SHISA6: variants seen among roughly 807,000 people sequenced by gnomAD.
SHISA6 encodes the protein shisa family member 6.
A neutral mutation model predicts 47.9 loss-of-function variants in SHISA6; 22 were observed. The ratio of observed to expected loss-of-function variants is 0.46; its 90% CI spans 0.33 to 0.66. The LOEUF (loss-of-function observed/expected upper bound fraction) is 0.66, where lower values mean the gene tolerates loss of function less well. Among genes scored for constraint, SHISA6 ranks in the 30% least tolerant of loss-of-function variants. The pLI is 0.02. For missense variants in SHISA6, 680 were observed against 764.6 expected, an observed-to-expected ratio of 0.89 and a Z score of 1.30; for synonymous variants, 388 against 337.8, an observed-to-expected ratio of 1.15 and a Z score of -1.63.
At chr17:11,397,321 A>T (rs1291021183) in intron 3 of SHISA6, among the ~76,000 whole-genome samples, 2 of 149,076 alleles carry the variant, frequency 1.3e-5, no homozygotes, top group Non-Finnish European at 3.0e-5. Flanking sequence ...TTCTCTTTCC[A>T]GTTTTTAGTT....
intron 3 of SHISA6, among the ~76,000 whole-genome samples, chr17:11,442,779 CT>C (rs1347278649): frequency 1.3e-5 from 2 of 152,140 alleles, no homozygotes; most frequent in Non-Finnish European, 2.9e-5. Flanking sequence ...GACCATAAGG[CT>C]GCAGGGCCCT....
At chr17:11,444,287 C>G (rs1192309795) in intron 3 of SHISA6, among the ~76,000 whole-genome samples, 1 of 151,968 alleles carries the variant, frequency 6.6e-6, no homozygotes, top group African/African-American at 2.4e-5. Flanking sequence ...TCACTGCACT[C>G]TAGCCTAGGT....
At position 11,557,734 on chromosome 17, in the gene SHISA6, A is replaced by G; in HGVS notation, c.1106-20A>G. 2.6e-6 allele frequency: 4 copies of G among 1,517,198 alleles called. No individual in the cohort carries two copies. In the Admixed American group the frequency reaches 6.2e-5, roughly 24 times the overall value. 94.0% of individuals were successfully genotyped at this position (1,517,198 alleles called of 1,614,324 possible). On this transcript the variant is annotated intron_variant, in intron 5 of 5. Transcript: ENST00000441885. The stretch of plus-strand genomic sequence containing the variant: ...AGGGTCACCCCAGTTGCCTTCTCTC[A>G]CTCTGTCTCTCCCCTGCAGCCGACA...
intron 3 of SHISA6, among the ~76,000 whole-genome samples, chr17:11,496,085 G>A (rs552524542): frequency 1.9e-4 from 29 of 152,224 alleles, no homozygotes; most frequent in African/African-American, 6.7e-4. Flanking sequence ...TACGGTGCCT[G>A]CTGTCTTAGT....
At chr17:11,556,013 G>A (rs1567638434) in intron 5 of SHISA6, 121 bp downstream of exon 5, 3 of 1,247,096 alleles carry the variant, frequency 2.4e-6, no homozygotes, top group Admixed American at 3.5e-5. Context: ...TAAAGAAGGA[G>A]TTGCAGGATG....
chr17:11,333,222 G>C (rs1013119250), intron 2 of SHISA6, among the ~76,000 whole-genome samples: 1 of 152,200 alleles, frequency 6.6e-6, no homozygotes, highest in African/African-American at 2.4e-5. Flanking sequence ...GAGGGAACCT[G>C]CCAGAGCCAG....
intron 3 of SHISA6, among the ~76,000 whole-genome samples, chr17:11,425,251 G>C (rs1316630314): frequency 6.6e-6 from 1 of 151,694 alleles, no homozygotes; most frequent in East Asian, 2.0e-4. Flanking sequence ...AAACAAACCA[G>C]AAAGGTTTGT....
intron 3 of SHISA6, among the ~76,000 whole-genome samples, chr17:11,501,089 T>C (rs775543578): frequency 1.3e-4 from 19 of 151,968 alleles, no homozygotes; most frequent in Non-Finnish European, 2.6e-4. Context: ...AGGTGCTTAA[T>C]TATTAATCTC....
chr17:11,379,216 T>A (rs1912924178), intron 2 of SHISA6, among the ~76,000 whole-genome samples, 198 bp from the exon 3 acceptor site: 1 of 148,354 alleles, frequency 6.7e-6, no homozygotes, highest in Non-Finnish European at 1.5e-5. Flanking sequence ...GTATATATAT[T>A]CAGTAATATA....
At chr17:11,324,542 T>C (rs1424275522) in intron 2 of SHISA6, among the ~76,000 whole-genome samples, 1 of 152,008 alleles carries the variant, frequency 6.6e-6, no homozygotes, top group Non-Finnish European at 1.5e-5. Context: ...TGGAAATCTG[T>C]AAATGGACCT....
intron 1 of SHISA6, among the ~76,000 whole-genome samples, chr17:11,243,835 C>G (rs1046854011): frequency 3.3e-5 from 5 of 152,152 alleles, no homozygotes; most frequent in African/African-American, 1.2e-4. Context: ...TCGTTGATTC[C>G]TACACATCTT....
chr17:11,462,510 C>A (rs1915716883), intron 3 of SHISA6, among the ~76,000 whole-genome samples: 1 of 152,202 alleles, frequency 6.6e-6, no homozygotes, highest in Non-Finnish European at 1.5e-5. Flanking sequence ...TACTCTCTGG[C>A]TACTACTACC....
chr17:11,487,590 A>C (rs1236445266), intron 3 of SHISA6, among the ~76,000 whole-genome samples: 1 of 152,198 alleles, frequency 6.6e-6, no homozygotes, highest in East Asian at 1.9e-4. Context: ...CTCAAGCCGG[A>C]GGAATGTACT....
At chr17:11,335,962 C>T (rs1468235668) in intron 2 of SHISA6, among the ~76,000 whole-genome samples, 1 of 151,654 alleles carries the variant, frequency 6.6e-6, no homozygotes, top group East Asian at 1.9e-4. Context: ...TTTGGGAGGC[C>T]AAGGCAGGTG....
At chr17:11,292,788 A>T (rs1401410048) in intron 2 of SHISA6, among the ~76,000 whole-genome samples, 1 of 150,684 alleles carries the variant, frequency 6.6e-6, no homozygotes, top group Non-Finnish European at 1.5e-5. Context: ...GTGAGAAGTC[A>T]CTGGAGGGTT....
At chr17:11,454,896 A>G (rs1266427542) in intron 3 of SHISA6, among the ~76,000 whole-genome samples, 3 of 152,182 alleles carry the variant, frequency 2.0e-5, no homozygotes, top group East Asian at 3.9e-4. Flanking sequence ...TGGGCTGGGC[A>G]CGGTAGCTCA....
chr17:11,268,482 C>T (rs1484274540), intron 2 of SHISA6, among the ~76,000 whole-genome samples: 2 of 152,204 alleles, frequency 1.3e-5, no homozygotes, highest in East Asian at 3.9e-4. Context: ...TGTTTGTATT[C>T]TTGCATTGAG....
intron 2 of SHISA6, among the ~76,000 whole-genome samples, chr17:11,291,920 T>A (rs1909561726): frequency 6.6e-6 from 1 of 152,164 alleles, no homozygotes; most frequent in South Asian, 2.1e-4. Flanking sequence ...TGATAAAAAT[T>A]TTCTATATTT....
At chr17:11,350,331 C>T (rs391697) in intron 2 of SHISA6, among the ~76,000 whole-genome samples, 58,542 of 66,414 alleles carry the variant, frequency 0.88, 25,881 homozygotes, top group Middle Eastern at 0.95. Context: ...AGGCGCCTGC[C>T]ACCACGCCCG....
Sources: allele counts gnomAD v4.1 joint callset (sites outside exome capture counted in the v4.1 genomes callset), GRCh38; gene constraint gnomAD v4.1.1; transcripts MANE v1.5; gene names NCBI Gene and HGNC (gene_info 2026-07-23, HGNC 2026-07-21).